Variants in ARHGAP40 observed in about 807,000 individuals in gnomAD.
The protein encoded by ARHGAP40 is rho GTPase-activating protein 40.
ARHGAP40 carries 43 observed loss-of-function variants against 73.5 expected under a neutral mutation model. The observed-to-expected ratio is 0.58, with a 90% confidence interval of 0.46 to 0.75. The LOEUF is 0.75. ARHGAP40 is among the 30% of genes least tolerant of loss of function. The pLI is 0.00. For missense variants in ARHGAP40, 734 were observed against 861.8 expected (o/e 0.85, Z 1.86); for synonymous variants, 300 against 352.8 (o/e 0.85, Z 1.68).
intron 1 of ARHGAP40, among the ~76,000 whole-genome samples, chr20:38,610,170 T>TATA (rs1450806742): frequency 4.8e-4 from 73 of 152,304 alleles, no homozygotes; most frequent in African/African-American, 1.7e-3. Context: ...ATGTTATGCA[T>TATA]CTCTGTGTGT....
intron 11 of ARHGAP40, 77 bp from the exon 12 acceptor site, chr20:38,645,970 G>A: frequency 8.4e-7 from 1 of 1,187,580 alleles, no homozygotes; most frequent in African/African-American, 1.6e-5. Context: ...AAGAGGCCAC[G>A]ATGACCCTGG....
At chr20:38,623,581 T>C (rs1267450224) in intron 2 of ARHGAP40, 23 bp downstream of exon 2, 1 of 1,270,024 alleles carries the variant, frequency 7.9e-7, no homozygotes, top group Non-Finnish European at 1.0e-6. Flanking sequence ...GGCGGGGGCC[T>C]ATAGGGGTGG....
intron 9 of ARHGAP40, among the ~76,000 whole-genome samples, chr20:38,641,413 C>T (rs1308118575): frequency 2.6e-5 from 4 of 152,304 alleles, no homozygotes; most frequent in African/African-American, 7.2e-5. Context: ...GGGTGATTTG[C>T]TGGTTCATTG....
At chr20:38,631,487 G>C (rs1401733211) in intron 5 of ARHGAP40, among the ~76,000 whole-genome samples, 1 of 152,034 alleles carries the variant, frequency 6.6e-6, no homozygotes, top group Non-Finnish European at 1.5e-5. Context: ...GCTTGTGCAG[G>C]GAATCTCCCC....
intron 11 of ARHGAP40, 137 bp downstream of exon 11, chr20:38,644,047 G>A (rs2089036807): frequency 2.9e-6 from 2 of 692,308 alleles, no homozygotes; most frequent in Non-Finnish European, 2.0e-6. Context: ...GCACAGGCCT[G>A]TGTTTTCTTC....
At chr20:38,642,765 C>T (rs113412547) in intron 10 of ARHGAP40, among the ~76,000 whole-genome samples, 1,776 of 152,232 alleles carry the variant, frequency 0.012, 37 homozygotes, top group African/African-American at 0.041. Flanking sequence ...TTCTTCACTC[C>T]GTCCCTTTGT....
chr20:38,636,588 T>C (rs2088976502), intron 6 of ARHGAP40, among the ~76,000 whole-genome samples: 1 of 152,158 alleles, frequency 6.6e-6, no homozygotes, highest in Non-Finnish European at 1.5e-5. Context: ...ATCACTGCAC[T>C]ATTTTCCTCC....
At position 38,612,345 on chromosome 20, in the gene ARHGAP40, A is replaced by T. The variant is rs531889461; in HGVS notation, c.137+10266A>T. On this transcript the variant is annotated intron_variant, in intron 1 of 14. Transcript: ENST00000373345. ...ATTTAGGCCTTTTCCAGTAACTGAA[A>T]CAAGTATGTAGTTTTAAATTTAAAT... Among the ~76,000 whole-genome samples the T allele has an allele frequency of 2.0e-5, 3 of 152,308 alleles. No homozygotes were observed. The East Asian group carries it at 5.8e-4, about 29-fold the overall frequency.
chr20:38,621,464 G>A (rs1383290171), intron 1 of ARHGAP40, among the ~76,000 whole-genome samples: 1 of 152,214 alleles, frequency 6.6e-6, no homozygotes, highest in Non-Finnish European at 1.5e-5. Flanking sequence ...TCAGCAAAGA[G>A]CTATCAAATG....
At chr20:38,608,984 C>T (rs1192127737) in intron 1 of ARHGAP40, among the ~76,000 whole-genome samples, 1 of 152,202 alleles carries the variant, frequency 6.6e-6, no homozygotes. Context: ...ACTCTTCTGC[C>T]TCCCTCTTCC....
chr20:38,612,572 A>G (rs1410161445), intron 1 of ARHGAP40, among the ~76,000 whole-genome samples: 2 of 152,178 alleles, frequency 1.3e-5, no homozygotes, highest in East Asian at 3.8e-4. Flanking sequence ...CGGGAGGCTG[A>G]GGCAGAAGAA....
intron 1 of ARHGAP40, 142 bp downstream of exon 1, chr20:38,602,221 C>T (rs1443107529): frequency 9.3e-7 from 1 of 1,074,358 alleles, no homozygotes; most frequent in Non-Finnish European, 1.2e-6. Flanking sequence ...AGAGCCCGGT[C>T]ACCTGGCTGT....
chr20:38,602,638 G>T (rs1166037939), intron 1 of ARHGAP40, among the ~76,000 whole-genome samples: 1 of 152,194 alleles, frequency 6.6e-6, no homozygotes, highest in Non-Finnish European at 1.5e-5. Flanking sequence ...TACTGTACAG[G>T]AATACATATG....
At chr20:38,632,064 A>T (rs987671908) in intron 5 of ARHGAP40, among the ~76,000 whole-genome samples, 7 of 147,936 alleles carry the variant, frequency 4.7e-5, no homozygotes, top group African/African-American at 1.8e-4. Context: ...CCGACGTTCA[A>T]GTGATTGTTG....
chr20:38,647,294 T>TAATA (rs1415967222), intron 13 of ARHGAP40, among the ~76,000 whole-genome samples, 168 bp downstream of exon 13: 2 of 152,188 alleles, frequency 1.3e-5, no homozygotes, highest in Non-Finnish European at 2.9e-5. Context: ...TGGCTCCAAG[T>TAATA]AATAATCATG....
At chr20:38,610,447 T>G (rs2088797586) in intron 1 of ARHGAP40, among the ~76,000 whole-genome samples, 1 of 152,184 alleles carries the variant, frequency 6.6e-6, no homozygotes, top group South Asian at 2.1e-4. Flanking sequence ...TCTGAGCCAA[T>G]GTAAGAGACC....
At chr20:38,603,537 C>G (rs1238194137) in intron 1 of ARHGAP40, among the ~76,000 whole-genome samples, 1 of 151,752 alleles carries the variant, frequency 6.6e-6, no homozygotes, top group Non-Finnish European at 1.5e-5. Context: ...ATTCATCTAT[C>G]TATGTTTCCT....
intron 1 of ARHGAP40, among the ~76,000 whole-genome samples, chr20:38,620,540 T>C (rs2088868473): frequency 6.6e-6 from 1 of 152,240 alleles, no homozygotes; most frequent in Non-Finnish European, 1.5e-5. Flanking sequence ...AACACACAGA[T>C]GCTGGTAATT....
exon 3 of ARHGAP40, chr20:38,627,192 G>A: frequency 7.7e-7 from 1 of 1,305,448 alleles, no homozygotes; most frequent in Non-Finnish European, 1.0e-6. Context: ...TGTCAGGGAT[G>A]TCTTTGGGGT....
Sources: gnomAD v4.1 joint callset for allele counts (sites outside exome capture counted in the v4.1 genomes callset) on GRCh38, gnomAD v4.1.1 for gene constraint, MANE v1.5 for transcripts, NCBI Gene and HGNC (gene_info 2026-07-23, HGNC 2026-07-21) for gene names.